CLASP2: variants seen among roughly 807,000 people sequenced by gnomAD.
The protein encoded by CLASP2 is CLIP-associating protein 2.
Under a neutral mutation model 194.4 loss-of-function variants are expected in CLASP2, and 47 were observed. The observed-to-expected ratio is 0.24, with a 90% confidence interval of 0.19 to 0.31. CLASP2 has a LOEUF of 0.31. CLASP2 is among the 10% of genes least tolerant of loss of function. The probability of loss-of-function intolerance (pLI) is 1.00; values close to 1 mark genes in which losing one functional copy is unlikely to be tolerated. For synonymous variants in CLASP2, 619 were observed against 633.5 expected, an observed-to-expected ratio of 0.98 and a Z score of 0.34; for missense variants, 1,445 against 1,823.6, an observed-to-expected ratio of 0.79 and a Z score of 3.78.
At chr3:33,678,850 G>C (rs1415596818) in intron 6 of CLASP2, among the ~76,000 whole-genome samples, 1 of 152,190 alleles carries the variant, frequency 6.6e-6, no homozygotes, top group Admixed American at 6.5e-5. Flanking sequence ...TTCCCAACTT[G>C]ATCTATGGAT....
chr3:33,627,227 G>A (rs1219293849), intron 9 of CLASP2, 147 bp from the exon 10 acceptor site: 5 of 661,118 alleles, frequency 7.6e-6, no homozygotes, highest in East Asian at 5.6e-5. Flanking sequence ...ATACATTATA[G>A]ACAATAATAA....
chr3:33,665,703 C>T (rs1482886185), intron 6 of CLASP2, among the ~76,000 whole-genome samples: 1 of 152,074 alleles, frequency 6.6e-6, no homozygotes, highest in Admixed American at 6.6e-5. Context: ...TTAAAGCAAA[C>T]AAAACAACAC....
At chr3:33,632,190 G>A in intron 9 of CLASP2, 102 bp downstream of exon 9, 2 of 636,628 alleles carry the variant, frequency 3.1e-6, no homozygotes, top group African/African-American at 1.9e-5. Flanking sequence ...CATTTATATA[G>A]CTATATAAGG....
At chr3:33,608,460 T>A in intron 14 of CLASP2, 107 bp downstream of exon 14, 2 of 883,494 alleles carry the variant, frequency 2.3e-6, no homozygotes, top group South Asian at 3.1e-5. Context: ...CCAGTACAAA[T>A]AACCTTTGAA....
chr3:33,559,775 T>C (rs183689933), intron 28 of CLASP2, among the ~76,000 whole-genome samples: 153 of 152,158 alleles, frequency 1.0e-3, no homozygotes, highest in Non-Finnish European at 1.6e-3. Flanking sequence ...ATGTCTGTAA[T>C]CTCAGCTACT....
intron 34 of CLASP2, among the ~76,000 whole-genome samples, chr3:33,529,983 T>TAA (rs2055795220): frequency 6.3e-5 from 1 of 15,838 alleles, no homozygotes; most frequent in Non-Finnish European, 1.1e-4. Flanking sequence ...AGACTCCGTC[T>TAA]CAAAAAAAAA....
chr3:33,707,659 A>C (rs1369146162), intron 1 of CLASP2, among the ~76,000 whole-genome samples: 1 of 152,186 alleles, frequency 6.6e-6, no homozygotes, highest in African/African-American at 2.4e-5. Context: ...AGTATTTCCT[A>C]TTAAATAGTC....
At chr3:33,631,834 T>A (rs528094324) in intron 9 of CLASP2, among the ~76,000 whole-genome samples, 1 of 145,486 alleles carries the variant, frequency 6.9e-6, no homozygotes, top group Non-Finnish European at 1.5e-5. Context: ...ATCACAAATT[T>A]TACATCACGA....
chr3:33,505,991 T>C (rs1472062186), intron 37 of CLASP2, among the ~76,000 whole-genome samples: 2 of 152,178 alleles, frequency 1.3e-5, no homozygotes, highest in Non-Finnish European at 2.9e-5. Flanking sequence ...CCTGGAAGTA[T>C]TAAGCCAGAA....
chr3:33,707,892 C>A (rs560489990), intron 1 of CLASP2, among the ~76,000 whole-genome samples: 2 of 152,240 alleles, frequency 1.3e-5, no homozygotes, highest in African/African-American at 4.8e-5. Context: ...TTGACTCTTG[C>A]AGGCAGAATA....
At chr3:33,608,527 A>G in intron 14 of CLASP2, 40 bp downstream of exon 14, 5 of 1,488,642 alleles carry the variant, frequency 3.4e-6, no homozygotes, top group South Asian at 2.3e-5. Flanking sequence ...ACTGGTGACA[A>G]TGGGGAGGAA....
chr3:33,707,329 G>A (rs1488817732), intron 1 of CLASP2, among the ~76,000 whole-genome samples: 1 of 151,950 alleles, frequency 6.6e-6, no homozygotes, highest in Non-Finnish European at 1.5e-5. Context: ...AACATTTGAA[G>A]GACACTAAAA....
intron 8 of CLASP2, among the ~76,000 whole-genome samples, chr3:33,640,612 A>T (rs1426454702): frequency 6.6e-6 from 1 of 152,150 alleles, no homozygotes. Context: ...CTCAATGATT[A>T]CATACAAGCT....
At chr3:33,556,439 C>CTTT in intron 29 of CLASP2, among the ~76,000 whole-genome samples, 1 of 143,412 alleles carries the variant, frequency 7.0e-6, no homozygotes, top group African/African-American at 2.5e-5. Flanking sequence ...TTCTTTCTTT[C>CTTT]TTTTTTTTTT....
chr3:33,572,104 C>T (rs149880491), intron 25 of CLASP2, among the ~76,000 whole-genome samples: 1 of 152,268 alleles, frequency 6.6e-6, no homozygotes, highest in East Asian at 1.9e-4. Flanking sequence ...CTAAACTATG[C>T]TTACTCCCTT....
At chr3:33,523,891 A>G (rs2053816520) in intron 34 of CLASP2, among the ~76,000 whole-genome samples, 1 of 152,212 alleles carries the variant, frequency 6.6e-6, no homozygotes, top group African/African-American at 2.4e-5. Context: ...CATTTAAAGT[A>G]GCATTATAAA....
chr3:33,718,003 G>T lies in CLASP2; in HGVS notation c.-1C>A. 6.8e-7 allele frequency: 1 copy of T among 1,469,068 alleles called. No individual in the cohort carries two copies. 91.0% of individuals were successfully genotyped at this position (1,469,068 alleles called of 1,614,324 possible). A position where few individuals can be genotyped will look rare whatever the true frequency, so the allele number is the denominator to read the frequency against. On this transcript the variant is annotated 5_prime_UTR_variant, in exon 1 of 39. Coordinates refer to ENST00000682230, the MANE Select transcript of CLASP2 (RefSeq NM_001365631.1). ...AGTACTCCATGCTGCGGGGCTCCAT[G>T]GCTGCGGCCGCCCGCCCGCCTGCCA...
intron 20 of CLASP2, among the ~76,000 whole-genome samples, chr3:33,593,976 T>G (rs2154241196): frequency 6.6e-6 from 1 of 151,988 alleles, no homozygotes; most frequent in East Asian, 1.9e-4. Flanking sequence ...CCAGAATAGG[T>G]GGGACTATAG....
At chr3:33,553,170 C>T (rs1269285958) in intron 29 of CLASP2, among the ~76,000 whole-genome samples, 2 of 151,978 alleles carry the variant, frequency 1.3e-5, no homozygotes, top group Non-Finnish European at 2.9e-5. Context: ...CGGGAAGTGC[C>T]ATACTGAATA....
Sources: gnomAD v4.1 joint callset for allele counts (sites outside exome capture counted in the v4.1 genomes callset) on GRCh38, gnomAD v4.1.1 for gene constraint, MANE v1.5 for transcripts, NCBI Gene and HGNC (gene_info 2026-07-23, HGNC 2026-07-21) for gene names.